Variants in NXPE3 observed in about 807,000 individuals in gnomAD.
The protein encoded by NXPE3 is NXPE family member 3.
Under a neutral mutation model 46.1 loss-of-function variants are expected in NXPE3, and 26 were observed. That is an observed-to-expected ratio of 0.56 (90% CI 0.41 to 0.78). The LOEUF (loss-of-function observed/expected upper bound fraction) is 0.78. NXPE3 is among the 30% of genes least tolerant of loss of function. The probability of loss-of-function intolerance (pLI) is 0.00; values close to 1 mark genes in which losing one functional copy is unlikely to be tolerated. For synonymous variants in NXPE3, 272 were observed against 257.9 expected (o/e 1.05, Z -0.52); for missense variants, 620 against 686.0 (o/e 0.90, Z 1.07).
chr3:101,786,624 A>G (rs11717638), intron 4 of NXPE3, among the ~76,000 whole-genome samples: 46,825 of 152,090 alleles, frequency 0.31, 7,417 homozygotes, highest in Non-Finnish European at 0.34. Context: ...ATAAAAGCTA[A>G]GTATTTCTTC....
chr3:101,784,246 A>G (rs928735548), intron 3 of NXPE3, among the ~76,000 whole-genome samples: 1 of 152,200 alleles, frequency 6.6e-6, no homozygotes, highest in African/African-American at 2.4e-5. Flanking sequence ...CATAATTGGT[A>G]TAGTCTAGTT....
chr3:101,793,448 T>C (rs1233863880), intron 4 of NXPE3, among the ~76,000 whole-genome samples: 2 of 152,138 alleles, frequency 1.3e-5, no homozygotes, highest in African/African-American at 4.8e-5. Flanking sequence ...GTTTTTTATC[T>C]AATCTGACAA....
rs145084542 is a variant in NXPE3, at chr3:101,796,890, T to C, written c.94-4345T>C. ...GTTATAGGTGGGGATCCTGAGGCCTTGTTTAAGTGTTTTACTAGAAACAAG... is the reference window on the plus strand; with the variant it reads ...GTTATAGGTGGGGATCCTGAGGCCTCGTTTAAGTGTTTTACTAGAAACAAG... On this transcript the variant is annotated intron_variant, in intron 4 of 7. Transcript: ENST00000273347. 8.8e-3 allele frequency among the ~76,000 whole-genome samples: 1,339 copies of C among 152,306 alleles called. 18 individuals are homozygous for C. The highest frequency in any genetic ancestry group is 0.03 in the African/African-American group (1,266 of 41,556).
chr3:101,816,728 T>C, intron 6 of NXPE3, 67 bp from the exon 7 acceptor site: 2 of 1,253,704 alleles, frequency 1.6e-6, no homozygotes, highest in Non-Finnish European at 1.1e-6. Context: ...TAATTGTTTC[T>C]TGGGACATTT....
chr3:101,808,848 T>TACACAC lies in NXPE3; in HGVS notation c.922+1723_922+1724insCACACA, dbSNP rs1560057814. Among the ~76,000 whole-genome samples the TACACAC allele has an allele frequency of 6.2e-3, 815 of 131,156 alleles. 55 individuals are homozygous for TACACAC. The highest frequency in any genetic ancestry group is 0.022 in the African/African-American group (774 of 35,214). 86.0% of individuals were successfully genotyped at this position (131,156 alleles called of 152,430 possible). A position where few individuals can be genotyped will look rare whatever the true frequency, so the allele number is the denominator to read the frequency against. ...ATATATATATATATATATATATATA[T>TACACAC]ATATATATGAGACATTTATCTTTTA... On this transcript the variant is annotated intron_variant, in intron 6 of 7. Coordinates refer to ENST00000273347, the MANE Select transcript of NXPE3 (RefSeq NM_145037.4).
At chr3:101,787,559 G>A (rs1036236163) in intron 4 of NXPE3, among the ~76,000 whole-genome samples, 94 of 152,306 alleles carry the variant, frequency 6.2e-4, no homozygotes, top group African/African-American at 2.2e-3. Context: ...TCCCACCTTG[G>A]CCTTCCAAAG....
chr3:101,820,309 C>T (rs2107359195), intron 7 of NXPE3, among the ~76,000 whole-genome samples: 1 of 152,200 alleles, frequency 6.6e-6, no homozygotes, highest in East Asian at 1.9e-4. Flanking sequence ...CAATGCAAAT[C>T]AAAACCACAA....
chr3:101,818,701 G>A (rs1238215068), intron 7 of NXPE3, among the ~76,000 whole-genome samples: 1 of 80,760 alleles, frequency 1.2e-5, no homozygotes, highest in South Asian at 5.0e-4. Context: ...TAACCCTTAA[G>A]AATATATGAC....
intron 4 of NXPE3, 37 bp from the exon 5 acceptor site, chr3:101,801,198 T>C (rs772929432): frequency 7.7e-6 from 12 of 1,563,632 alleles, no homozygotes; most frequent in Middle Eastern, 1.7e-4. Flanking sequence ...AGACCTATTA[T>C]AGTGGTAATT....
At chr3:101,783,615 CTGTG>C (rs1939965099) in intron 3 of NXPE3, among the ~76,000 whole-genome samples, 1 of 152,216 alleles carries the variant, frequency 6.6e-6, no homozygotes, top group African/African-American at 2.4e-5. Context: ...TCACTGACAG[CTGTG>C]TGCTGCTGCT....
At chr3:101,813,509 A>T (rs1349945532) in intron 6 of NXPE3, among the ~76,000 whole-genome samples, 1 of 152,146 alleles carries the variant, frequency 6.6e-6, no homozygotes. Context: ...ATGGCGTGAC[A>T]CCCTTTGGAG....
intron 4 of NXPE3, among the ~76,000 whole-genome samples, chr3:101,794,626 T>C (rs1247099759): frequency 1.3e-5 from 2 of 152,206 alleles, no homozygotes; most frequent in African/African-American, 2.4e-5. Flanking sequence ...TGTGAATGTG[T>C]GTGTTAATTT....
chr3:101,813,168 C>T (rs1222765281), intron 6 of NXPE3, among the ~76,000 whole-genome samples: 1 of 152,172 alleles, frequency 6.6e-6, no homozygotes, highest in Non-Finnish European at 1.5e-5. Flanking sequence ...TTATCCCAAG[C>T]TTCCTATGCT....
At position 101,801,274 on chromosome 3, in the gene NXPE3, A is replaced by G; in HGVS notation, c.133A>G (p.Ser45Gly). 6.2e-7 allele frequency: 1 copy of G among 1,613,722 alleles called. No homozygotes were observed. The highest frequency in any genetic ancestry group is 8.5e-7 in the Non-Finnish European group (1 of 1,179,824). The change falls in exon 5 of 8, where the codon AGC (serine) becomes GGC (glycine). Residue 45 changes from serine to glycine, a missense_variant. Coordinates refer to ENST00000273347, the MANE Select transcript of NXPE3 (RefSeq NM_145037.4). ...HETVSATFID[S>G]SGQFVSSQVT... ...GACTGTTTCAGCCACTTTCATCGAC[A>G]GCAGTGGACAGTTTGTTTCCTCCCA...
At position 101,801,442 on chromosome 3, in the gene NXPE3, AC is replaced by A; in HGVS notation, c.302del (p.Thr101MetfsTer11). The A allele has an allele frequency of 6.2e-7, 1 of 1,614,192 alleles. No homozygotes were observed. On this transcript the variant is annotated frameshift_variant, in exon 5 of 8. Coordinates refer to ENST00000273347, the MANE Select transcript of NXPE3 (RefSeq NM_145037.4). LOFTEE classifies it high-confidence loss of function. ...DVGPVPFVKS[T>X]DPSSSYFVIL... ...GGGCCCAGTCCCCTTTGTGAAGAGCACTGACCCTTCTTCCAGCTACTTTGTC... is the reference window on the plus strand; with the variant it reads ...GGGCCCAGTCCCCTTTGTGAAGAGCATGACCCTTCTTCCAGCTACTTTGTC...
rs1941309877 is a variant in NXPE3 at position 101,804,353 on chromosome 3, C to G, written c.848+2364C>G. 7.2e-5 allele frequency among the ~76,000 whole-genome samples: 11 copies of G among 152,174 alleles called. No homozygotes were observed. The South Asian group carries it at 2.3e-3, about 31-fold the overall frequency. On this transcript the variant is annotated intron_variant, in intron 5 of 7. Transcript: ENST00000273347. ...CAAGGATAAAATAATGTGTTTGTCC[C>G]TGCCCTTCCTTGCATATCCTGGGTG...
At chr3:101,816,760 A>G (rs990578641) in intron 6 of NXPE3, 35 bp from the exon 7 acceptor site, 3 of 1,482,714 alleles carry the variant, frequency 2.0e-6, no homozygotes, top group Non-Finnish European at 2.8e-6. Context: ...TTGGAGGAGA[A>G]TATTAAAATA....
chr3:101,780,308 T>C (rs747738123), intron 1 of NXPE3, among the ~76,000 whole-genome samples: 18 of 152,328 alleles, frequency 1.2e-4, no homozygotes, highest in Middle Eastern at 3.4e-3. Flanking sequence ...ATGTCTGTTA[T>C]CCTCACAATC....
chr3:101,800,682 A>T (rs941618598), intron 4 of NXPE3, among the ~76,000 whole-genome samples: 1 of 151,808 alleles, frequency 6.6e-6, no homozygotes, highest in Non-Finnish European at 1.5e-5. Context: ...CTCATTGGTT[A>T]GGTACATACA....
Sources: gnomAD v4.1 joint callset for allele counts (sites outside exome capture counted in the v4.1 genomes callset) on GRCh38, gnomAD v4.1.1 for gene constraint, MANE v1.5 for transcripts, NCBI Gene and HGNC (gene_info 2026-07-23, HGNC 2026-07-21) for gene names.